RMST: variants seen among roughly 807,000 people sequenced by gnomAD.
RMST encodes rhabdomyosarcoma 2 associated transcript, also known as long intergenic non-protein coding RNA 54.
chr12:97,501,617 C>A (rs17027092), intron 10 of RMST, among the ~76,000 whole-genome samples: 5,187 of 152,272 alleles, frequency 0.034, 204 homozygotes, highest in East Asian at 0.17. Flanking sequence ...CACAGTGACA[C>A]TACAGAAATG....
At chr12:97,477,735 G>C (rs1593134172) in intron 5 of RMST, among the ~76,000 whole-genome samples, 1 of 152,322 alleles carries the variant, frequency 6.6e-6, no homozygotes, top group South Asian at 2.1e-4. Flanking sequence ...CAATGAGGAA[G>C]AGAAAGGATA....
chr12:97,496,041 C>T (rs1242076553), exon 10 of RMST: 1 of 152,178 alleles, frequency 6.6e-6, no homozygotes, highest in African/African-American at 2.4e-5. Context: ...CCATTTCATT[C>T]ACAGCAGGAT....
intron 11 of RMST, among the ~76,000 whole-genome samples, chr12:97,550,872 T>G (rs1192194146): frequency 6.6e-6 from 1 of 152,152 alleles, no homozygotes; most frequent in Non-Finnish European, 1.5e-5. Flanking sequence ...TATAATGTCA[T>G]TGATCCATTC....
chr12:97,540,727 C>T (rs1197463829), intron 11 of RMST, among the ~76,000 whole-genome samples: 1 of 151,576 alleles, frequency 6.6e-6, no homozygotes, highest in East Asian at 1.9e-4. Context: ...ATATAAATGC[C>T]TTAACCCAAT....
chr12:97,545,659 CAG>C (rs1489419658), intron 11 of RMST, among the ~76,000 whole-genome samples: 1 of 151,930 alleles, frequency 6.6e-6, no homozygotes, highest in Admixed American at 6.6e-5. Context: ...GAAATGCAAA[CAG>C]ATAATTAGGG....
intron 5 of RMST, among the ~76,000 whole-genome samples, chr12:97,469,140 C>T (rs971639308): frequency 3.3e-5 from 4 of 122,670 alleles, no homozygotes; most frequent in African/African-American, 9.7e-5. Flanking sequence ...GAAGAGAAAC[C>T]AGTGTGTGTG....
intron 10 of RMST, among the ~76,000 whole-genome samples, chr12:97,508,377 C>T (rs549793157): frequency 1.3e-5 from 2 of 152,242 alleles, no homozygotes; most frequent in African/African-American, 4.8e-5. Flanking sequence ...ATGTATACCT[C>T]CCTCCTCCAA....
intron 5 of RMST, among the ~76,000 whole-genome samples, chr12:97,487,102 T>C (rs557354542): frequency 3.3e-5 from 5 of 152,310 alleles, no homozygotes; most frequent in African/African-American, 1.2e-4. Context: ...GAAAAGAATT[T>C]CCAGTTTCAC....
chr12:97,499,049 G>A (rs1877776377), intron 10 of RMST, among the ~76,000 whole-genome samples: 1 of 152,164 alleles, frequency 6.6e-6, no homozygotes, highest in African/African-American at 2.4e-5. Context: ...GCTGTCTATG[G>A]GGTTTGTCTG....
chr12:97,538,324 T>G (rs1413639393), intron 11 of RMST, among the ~76,000 whole-genome samples: 4 of 151,438 alleles, frequency 2.6e-5, no homozygotes, highest in Admixed American at 2.6e-4. Context: ...GTTAACAGCC[T>G]TTTTTGTCTT....
chr12:97,523,413 T>G (rs939489369), intron 10 of RMST, among the ~76,000 whole-genome samples: 6 of 152,178 alleles, frequency 3.9e-5, no homozygotes, highest in African/African-American at 1.4e-4. Flanking sequence ...TAAGTTCAAG[T>G]GTTCTGTTTG....
chr12:97,482,634 AATTT>A (rs928123598), intron 5 of RMST, among the ~76,000 whole-genome samples: 3 of 143,032 alleles, frequency 2.1e-5, no homozygotes, highest in African/African-American at 7.4e-5. Context: ...TTTAATATTT[AATTT>A]ATTTATTATT....
intron 10 of RMST, among the ~76,000 whole-genome samples, chr12:97,524,124 A>G (rs879818900): frequency 6.7e-5 from 10 of 150,142 alleles, no homozygotes; most frequent in Admixed American, 1.3e-4. Context: ...GTATGGTTGA[A>G]TATCCATTGT....
intron 10 of RMST, among the ~76,000 whole-genome samples, chr12:97,513,933 A>G (rs1348865237): frequency 6.6e-6 from 1 of 152,126 alleles, no homozygotes; most frequent in Non-Finnish European, 1.5e-5. Flanking sequence ...AAGGCAACAG[A>G]TGGAGTTTAC....
At chr12:97,532,593 A>ACTC in intron 11 of RMST, 1 of 149,272 alleles carries the variant, frequency 6.7e-6, no homozygotes, top group South Asian at 2.1e-4. Flanking sequence ...GGAGTATTGA[A>ACTC]GGTCTGTGAG....
At chr12:97,546,885 G>C (rs532286273) in intron 11 of RMST, among the ~76,000 whole-genome samples, 1 of 151,956 alleles carries the variant, frequency 6.6e-6, no homozygotes, top group South Asian at 2.1e-4. Context: ...TTGTACAGTA[G>C]GTCTCTTGGA....
rs550368136 is a variant in RMST, at chr12:97,472,851, T to G, written n.644+7124T>G. 1.9e-4 allele frequency among the ~76,000 whole-genome samples: 29 copies of G among 152,238 alleles called. No homozygotes were observed. In the South Asian group the frequency reaches 6.0e-3, roughly 32 times the overall value. On this transcript the variant is annotated intron_variant and non_coding_transcript_variant, in intron 5 of 13. Transcript: ENST00000640149. ...AATAATCACAATTATTATTATAACT[T>G]CGGAAAGATTTTCAATCATTCATTC...
chr12:97,525,942 T>G (rs1415077491), intron 10 of RMST, among the ~76,000 whole-genome samples: 2 of 152,038 alleles, frequency 1.3e-5, no homozygotes, highest in East Asian at 3.9e-4. Flanking sequence ...AACCCTGTTG[T>G]GAACTGTGCA....
At chr12:97,546,223 C>T (rs1186334826) in intron 11 of RMST, among the ~76,000 whole-genome samples, 5 of 152,060 alleles carry the variant, frequency 3.3e-5, no homozygotes. Flanking sequence ...TTCCCTGTCA[C>T]TGACAATATT....
Sources: allele counts gnomAD v4.1 joint callset (sites outside exome capture counted in the v4.1 genomes callset), GRCh38; gene constraint gnomAD v4.1.1; transcripts MANE v1.5; gene names NCBI Gene and HGNC (gene_info 2026-07-23, HGNC 2026-07-21).